DOP1B: variants seen among roughly 807,000 people sequenced by gnomAD.
DOP1B encodes the protein DOP1 leucine zipper like protein B, also known as protein DOP1B.
In DOP1B, 174 loss-of-function variants were observed where a neutral mutation model predicts 233.5. The ratio of observed to expected loss-of-function variants is 0.75; its 90% confidence interval spans 0.66 to 0.85. The LOEUF is 0.85. Among genes scored for constraint, DOP1B ranks in the 40% least tolerant of loss-of-function variants. The pLI, the probability that DOP1B is intolerant of heterozygous loss-of-function variation, is 0.00. For synonymous variants in DOP1B, 1,190 were observed against 1,185.6 expected, an observed-to-expected ratio of 1.00 and a Z score of -0.08; for missense variants, 2,652 against 2,846.6, an observed-to-expected ratio of 0.93 and a Z score of 1.56.
intron 21 of DOP1B, among the ~76,000 whole-genome samples, chr21:36,249,273 C>T (rs2067006121): frequency 6.6e-6 from 1 of 151,972 alleles, no homozygotes; most frequent in South Asian, 2.1e-4. Context: ...ACAAAAAATA[C>T]AAAAATTAGC....
intron 2 of DOP1B, among the ~76,000 whole-genome samples, chr21:36,166,043 CTGA>C (rs995103798): frequency 1.3e-5 from 2 of 151,042 alleles, no homozygotes; most frequent in Non-Finnish European, 2.9e-5. Flanking sequence ...TAACTAATAC[CTGA>C]TGATCTGAGG....
intron 24 of DOP1B, chr21:36,261,498 G>A: frequency 2.0e-6 from 2 of 985,470 alleles, no homozygotes; most frequent in Non-Finnish European, 2.4e-6. Flanking sequence ...TCAGCTAAGA[G>A]AGCATTAAAG....
At chr21:36,177,915 A>G (rs1393744528) in intron 2 of DOP1B, among the ~76,000 whole-genome samples, 1 of 152,232 alleles carries the variant, frequency 6.6e-6, no homozygotes, top group African/African-American at 2.4e-5. Context: ...TAAAATATCC[A>G]GCAATCTAAC....
rs769404418 is a variant in DOP1B, at chr21:36,227,667, C to T, written c.1474-19C>T. On this transcript the variant is annotated intron_variant, in intron 12 of 36. Transcript: ENST00000691173. Reference sequence around the variant, plus strand: ...TGTGAACCAACATTGTGGGGTTAACCTACACGTTTATTTCACAGGAACTTT... The same window carrying T: ...TGTGAACCAACATTGTGGGGTTAACTTACACGTTTATTTCACAGGAACTTT... 2.7e-6 allele frequency: 4 copies of T among 1,500,288 alleles called. No individual in the cohort carries two copies. In the Admixed American group the frequency reaches 8.7e-5, roughly 32 times the overall value. The allele number at this position is 1,500,288 out of a possible 1,614,324, so 92.9% of individuals were successfully genotyped here.
At chr21:36,178,061 C>T (rs2066052188) in intron 2 of DOP1B, among the ~76,000 whole-genome samples, 1 of 152,178 alleles carries the variant, frequency 6.6e-6, no homozygotes, top group South Asian at 2.1e-4. Flanking sequence ...TGTGTTTCTC[C>T]TTCTCCCCTC....
At position 36,293,816 on chromosome 21, in the gene DOP1B, C is replaced by G. The variant is rs2067585638; in HGVS notation, c.*245C>G. On this transcript the variant is annotated 3_prime_UTR_variant, in exon 37 of 37. Coordinates refer to ENST00000691173, the MANE Select transcript of DOP1B (RefSeq NM_001320714.2). ...TGACCAACATGGTGAGACCCTGTCTCTACTAAAAATACAAAAATTAGCTGG... is the reference window on the plus strand; with the variant it reads ...TGACCAACATGGTGAGACCCTGTCTGTACTAAAAATACAAAAATTAGCTGG... The G allele has an allele frequency of 2.5e-6, 1 of 393,796 alleles. No homozygotes were observed. Among genetic ancestry groups the G allele is most frequent in the Admixed American group, 4.3e-5 (1 of 23,528 alleles). The allele number at this position is 393,796 out of a possible 1,614,324, so 24.4% of individuals were successfully genotyped here. A position where few individuals can be genotyped will look rare whatever the true frequency, so the allele number is the denominator to read the frequency against.
intron 2 of DOP1B, among the ~76,000 whole-genome samples, chr21:36,168,743 G>T (rs531360812): frequency 3.8e-4 from 57 of 151,924 alleles, no homozygotes; most frequent in Non-Finnish European, 7.1e-4. Flanking sequence ...ATCTTGGCCA[G>T]GCTGGTCTCG....
chr21:36,275,769 A>G (rs895974469), intron 27 of DOP1B, among the ~76,000 whole-genome samples: 6 of 152,170 alleles, frequency 3.9e-5, no homozygotes, highest in African/African-American at 1.4e-4. Flanking sequence ...TGGAACATTT[A>G]GCTACACATA....
chr21:36,218,971 G>A (rs2066593033), intron 9 of DOP1B, among the ~76,000 whole-genome samples: 1 of 152,186 alleles, frequency 6.6e-6, no homozygotes, highest in Non-Finnish European at 1.5e-5. Flanking sequence ...AGCAGTTTAT[G>A]CACACTTAAC....
intron 2 of DOP1B, among the ~76,000 whole-genome samples, chr21:36,187,477 A>G (rs968875465): frequency 1.3e-5 from 2 of 151,808 alleles, no homozygotes; most frequent in East Asian, 3.9e-4. Flanking sequence ...GTTTTTTTTT[A>G]GTAGAGATGG....
Position 36,246,486 on chromosome 21 carries a change from G to T in DOP1B, c.4506G>T (p.Ala1502=). Residue 1502 remains alanine, a synonymous_variant, in exon 19 of 37, where the codon GCG becomes GCT. Coordinates refer to ENST00000691173, the MANE Select transcript of DOP1B (RefSeq NM_001320714.2). This position sits in a 1 kb window ranked among gnomAD's most constrained non-coding sequence, Gnocchi z 5.1. ...CCTCCCAGGGTCTTCTGGTCTCTGC[G>T]GTGGTGAGGGGTCTGCAGCCCGCCT... ...PLTSQGLLVS[A]VVRGLQPAYG... 1 of 1,614,144 alleles carries T rather than the reference G, an allele frequency of 6.2e-7. No homozygotes were observed. The highest frequency in any genetic ancestry group is 8.5e-7 in the Non-Finnish European group (1 of 1,180,038).
intron 1 of DOP1B, among the ~76,000 whole-genome samples, chr21:36,162,989 C>T (rs763184284): frequency 1.3e-5 from 2 of 152,038 alleles, no homozygotes; most frequent in Non-Finnish European, 2.9e-5. Context: ...AGTGGTCTGC[C>T]GCAGAGTGCT....
rs2066747180 is a variant in DOP1B at position 36,230,469 on chromosome 21, A to T, written c.1685A>T (p.Asn562Ile). The part of the protein sequence containing the change: ...SGTSSPVKGE[N>I]GKIILETKAV... ...TTACAGAGTCCAGTAAAAGGTGAAA[A>T]CGGCAAAATAATTTTGGAAACAAAG... The change falls in exon 14 of 37, where the codon AAC becomes ATC. Residue 562 changes from asparagine (N) to isoleucine (I), a missense_variant. Coordinates refer to ENST00000691173, the MANE Select transcript of DOP1B (RefSeq NM_001320714.2). The T allele has an allele frequency of 1.2e-6, 2 of 1,609,714 alleles. No homozygotes were observed. The highest frequency in any genetic ancestry group is 1.7e-6 in the Non-Finnish European group (2 of 1,176,420).
At chr21:36,177,593 C>T (rs2066046425) in intron 2 of DOP1B, among the ~76,000 whole-genome samples, 1 of 152,096 alleles carries the variant, frequency 6.6e-6, no homozygotes, top group Non-Finnish European at 1.5e-5. Context: ...GGTGACCAGA[C>T]CATGAGGGCT....
At chr21:36,194,730 G>T (rs570513159) in intron 2 of DOP1B, among the ~76,000 whole-genome samples, 1 of 151,980 alleles carries the variant, frequency 6.6e-6, no homozygotes, top group Non-Finnish European at 1.5e-5. Context: ...CAGGCGATCT[G>T]CCCATCTTGG....
chr21:36,217,797 G>T (rs2066577702), intron 9 of DOP1B, among the ~76,000 whole-genome samples: 1 of 152,156 alleles, frequency 6.6e-6, no homozygotes, highest in Admixed American at 6.5e-5. Context: ...AGTCCAAAAA[G>T]TGGAACACTT....
At chr21:36,193,350 A>G (rs1210882629) in intron 2 of DOP1B, among the ~76,000 whole-genome samples, 1 of 152,092 alleles carries the variant, frequency 6.6e-6, no homozygotes, top group Non-Finnish European at 1.5e-5. Flanking sequence ...GCGGGCTGTG[A>G]TGATTCAGGA....
chr21:36,176,031 T>A (rs923218544), intron 2 of DOP1B, among the ~76,000 whole-genome samples: 4 of 151,562 alleles, frequency 2.6e-5, no homozygotes, highest in African/African-American at 7.3e-5. Context: ...AGAGGAAGTG[T>A]GATTTCTTTA....
chr21:36,213,788 C>G (rs1314061194), intron 7 of DOP1B, among the ~76,000 whole-genome samples: 10 of 151,880 alleles, frequency 6.6e-5, no homozygotes, highest in Non-Finnish European at 1.2e-4. Flanking sequence ...GATCCACCCA[C>G]CTTGGCCTCC....
Sources: gnomAD v4.1 joint callset for allele counts (sites outside exome capture counted in the v4.1 genomes callset) on GRCh38, gnomAD v4.1.1 for gene constraint, Gnocchi (gnomAD v3.1) non-coding constraint, MANE v1.5 for transcripts, NCBI Gene and HGNC (gene_info 2026-07-23, HGNC 2026-07-21) for gene names.